Variants in AUTS2 observed in about 807,000 individuals in gnomAD.
AUTS2 encodes the protein autism susceptibility gene 2 protein.
Under a neutral mutation model 112.4 loss-of-function variants are expected in AUTS2, and 17 were observed. The observed-to-expected ratio is 0.15, with a 90% CI of 0.10 to 0.23. The LOEUF (loss-of-function observed/expected upper bound fraction) is 0.23. Ranked by LOEUF, AUTS2 falls within the 10% of genes least tolerant of loss-of-function variation. The probability of loss-of-function intolerance (pLI) is 1.00; values close to 1 mark genes in which losing one functional copy is unlikely to be tolerated. For synonymous variants in AUTS2, 751 were observed against 702.7 expected (o/e 1.07, Z -1.09); for missense variants, 1,510 against 1,701.6 (o/e 0.89, Z 1.98).
chr7:70,043,440 T>G (rs748361210), intron 2 of AUTS2, among the ~76,000 whole-genome samples: 5 of 152,110 alleles, frequency 3.3e-5, no homozygotes, highest in Non-Finnish European at 7.4e-5. Context: ...CAATGTTTTC[T>G]TTGCAAATTT....
At chr7:70,700,928 C>G (rs1276143777) in intron 6 of AUTS2, among the ~76,000 whole-genome samples, 1 of 152,180 alleles carries the variant, frequency 6.6e-6, no homozygotes, top group Admixed American at 6.5e-5. Context: ...GTATCTTTAG[C>G]CAAGAGCAAT....
chr7:70,301,652 A>G (rs926504360), intron 4 of AUTS2, among the ~76,000 whole-genome samples: 12 of 152,166 alleles, frequency 7.9e-5, no homozygotes, highest in Non-Finnish European at 2.9e-5. Context: ...CCAGTCAGTC[A>G]ATTTAAATTA....
chr7:69,720,830 G>A (rs1456780150), intron 1 of AUTS2, among the ~76,000 whole-genome samples: 1 of 152,166 alleles, frequency 6.6e-6, no homozygotes, highest in Non-Finnish European at 1.5e-5. Flanking sequence ...GATCTCTTGG[G>A]AACTGCAGTA....
intron 2 of AUTS2, among the ~76,000 whole-genome samples, chr7:70,069,093 AG>A (rs1420622629): frequency 6.6e-6 from 1 of 152,204 alleles, no homozygotes; most frequent in Non-Finnish European, 1.5e-5. Flanking sequence ...ATGGCCTACC[AG>A]GGCTTCCAAG....
chr7:70,050,972 G>A (rs1436679718), intron 2 of AUTS2, among the ~76,000 whole-genome samples: 1 of 152,154 alleles, frequency 6.6e-6, no homozygotes, highest in Non-Finnish European at 1.5e-5. Context: ...TCCAGCCTGG[G>A]CGACAGAGCG....
intron 2 of AUTS2, among the ~76,000 whole-genome samples, chr7:69,902,499 T>G (rs1795006921): frequency 2.6e-5 from 4 of 152,196 alleles, no homozygotes; most frequent in Admixed American, 2.0e-4. Context: ...GGCGAGAACT[T>G]AGTCTTTATT....
At chr7:70,251,447 A>G (rs1484598752) in intron 4 of AUTS2, among the ~76,000 whole-genome samples, 3 of 152,176 alleles carry the variant, frequency 2.0e-5, no homozygotes, top group Non-Finnish European at 4.4e-5. Flanking sequence ...CCCCGGGGTG[A>G]CCACTTTTAT....
At chr7:70,121,942 A>G (rs759664234) in intron 3 of AUTS2, among the ~76,000 whole-genome samples, 25 of 152,240 alleles carry the variant, frequency 1.6e-4, no homozygotes, top group Non-Finnish European at 2.5e-4. Flanking sequence ...GTGTTTCTCA[A>G]CAAATGAATT....
chr7:70,243,979 T>A (rs1157299005), intron 4 of AUTS2, among the ~76,000 whole-genome samples: 1 of 151,880 alleles, frequency 6.6e-6, no homozygotes, highest in Non-Finnish European at 1.5e-5. Context: ...GTAATACTAT[T>A]ACAGTAATAG....
chr7:70,637,831 T>G (rs888484400), intron 5 of AUTS2, among the ~76,000 whole-genome samples: 27 of 152,324 alleles, frequency 1.8e-4, no homozygotes, highest in Non-Finnish European at 3.8e-4. Flanking sequence ...ATCTACTGAT[T>G]ACTATAAAGG....
At chr7:69,832,357 T>TG (rs1380760238) in intron 1 of AUTS2, among the ~76,000 whole-genome samples, 8 of 152,214 alleles carry the variant, frequency 5.3e-5, no homozygotes, top group Non-Finnish European at 1.0e-4. Flanking sequence ...CTATAGGGAC[T>TG]GGGGATATGA....
intron 4 of AUTS2, among the ~76,000 whole-genome samples, chr7:70,406,535 C>T: frequency 6.6e-6 from 1 of 152,194 alleles, no homozygotes; most frequent in Non-Finnish European, 1.5e-5. Flanking sequence ...TTGAGAAGAA[C>T]AGTGTACTTG....
intron 5 of AUTS2, among the ~76,000 whole-genome samples, chr7:70,675,322 G>A (rs1410260464): frequency 2.0e-5 from 3 of 151,970 alleles, no homozygotes; most frequent in South Asian, 2.1e-4. Context: ...GTGAAACCCC[G>A]TTTCTGCTAA....
chr7:70,172,026 C>A (rs565030272), intron 4 of AUTS2, among the ~76,000 whole-genome samples: 2 of 152,174 alleles, frequency 1.3e-5, no homozygotes, highest in African/African-American at 4.8e-5. Context: ...CCCTGAGTTT[C>A]TCTCCATTGC....
At chr7:70,056,768 G>A (rs917977175) in intron 2 of AUTS2, among the ~76,000 whole-genome samples, 2 of 152,146 alleles carry the variant, frequency 1.3e-5, no homozygotes, top group African/African-American at 2.4e-5. Flanking sequence ...TTTGGACAGC[G>A]CTTCCGAAGA....
intron 1 of AUTS2, among the ~76,000 whole-genome samples, chr7:69,652,157 A>G (rs1286619574): frequency 6.6e-6 from 1 of 152,148 alleles, no homozygotes; most frequent in Non-Finnish European, 1.5e-5. Context: ...TGCATAAAGC[A>G]GTATTGCTCT....
At chr7:70,204,549 A>G (rs1810472944) in intron 4 of AUTS2, among the ~76,000 whole-genome samples, 1 of 152,180 alleles carries the variant, frequency 6.6e-6, no homozygotes, top group Non-Finnish European at 1.5e-5. Flanking sequence ...CTATAGCTCA[A>G]TAAGAGGCCC....
intron 5 of AUTS2, among the ~76,000 whole-genome samples, chr7:70,685,750 T>G (rs1215984865): frequency 6.6e-6 from 1 of 152,162 alleles, no homozygotes; most frequent in East Asian, 1.9e-4. Context: ...CAGCCTAAAA[T>G]GGCTAAAATG....
chr7:70,708,943 A>G (rs1241936276), intron 6 of AUTS2, among the ~76,000 whole-genome samples: 2 of 146,016 alleles, frequency 1.4e-5, no homozygotes, highest in African/African-American at 5.1e-5. Context: ...TTTGAGACCA[A>G]GTCTCACCTC....
Sources: allele counts gnomAD v4.1 joint callset (sites outside exome capture counted in the v4.1 genomes callset), GRCh38; gene constraint gnomAD v4.1.1; transcripts MANE v1.5; gene names NCBI Gene and HGNC (gene_info 2026-07-23, HGNC 2026-07-21).